The following NBEA variants were observed in gnomAD, a reference collection of about 807,000 sequenced individuals.
NBEA encodes the protein neurobeachin.
In NBEA, 44 loss-of-function variants were observed where a neutral mutation model predicts 343.4. The ratio of observed to expected loss-of-function variants is 0.13; its 90% CI spans 0.10 to 0.16. NBEA has a LOEUF of 0.16. Ranked by LOEUF, NBEA falls within the 10% of genes least tolerant of loss-of-function variation. The probability of loss-of-function intolerance (pLI) is 1.00; values close to 1 mark genes in which losing one functional copy is unlikely to be tolerated. For synonymous variants in NBEA, 1,175 were observed against 1,238.7 expected (o/e 0.95, Z 1.08); for missense variants, 2,555 against 3,631.3 (o/e 0.70, Z 7.62).
intron 24 of NBEA, among the ~76,000 whole-genome samples, chr13:35,167,897 C>G (rs1466770446): frequency 3.3e-5 from 5 of 151,810 alleles, no homozygotes; most frequent in African/African-American, 1.2e-4. Context: ...CCATCCAGAA[C>G]ACTGAATATT....
At chr13:35,154,578 C>T (rs1452417718) in intron 18 of NBEA, among the ~76,000 whole-genome samples, 1 of 152,088 alleles carries the variant, frequency 6.6e-6, no homozygotes, top group Non-Finnish European at 1.5e-5. Context: ...GTTAATTATT[C>T]TTTAATTTAA....
chr13:35,479,049 T>C (rs1440140516), intron 41 of NBEA, among the ~76,000 whole-genome samples: 1 of 152,244 alleles, frequency 6.6e-6, no homozygotes, highest in Non-Finnish European at 1.5e-5. Context: ...TGCAAACTAA[T>C]TGGTGCAACC....
At chr13:35,214,400 C>A (rs9600335) in intron 33 of NBEA, among the ~76,000 whole-genome samples, 1,959 of 151,904 alleles carry the variant, frequency 0.013, 36 homozygotes, top group African/African-American at 0.045. Flanking sequence ...TTCTTGTCAG[C>A]ACTTGGTATT....
intron 41 of NBEA, among the ~76,000 whole-genome samples, chr13:35,521,500 G>T (rs1422351563): frequency 6.6e-6 from 1 of 152,208 alleles, no homozygotes; most frequent in East Asian, 1.9e-4. Flanking sequence ...CCTGAGGAGA[G>T]ACTGGAACTG....
intron 38 of NBEA, among the ~76,000 whole-genome samples, chr13:35,415,697 G>A (rs1319942111): frequency 6.6e-6 from 1 of 152,068 alleles, no homozygotes; most frequent in Admixed American, 6.6e-5. Context: ...TTTTGGCTTA[G>A]GATTGACTTG....
At chr13:35,670,825 AG>A in intron 58 of NBEA, 75 bp from the exon 59 acceptor site, 1 of 979,906 alleles carries the variant, frequency 1.0e-6, no homozygotes, top group South Asian at 1.4e-5. Flanking sequence ...CCAAACTTTG[AG>A]ATACTGTCTA....
chr13:35,670,100 A>G (rs2085539478), intron 58 of NBEA, among the ~76,000 whole-genome samples: 1 of 152,230 alleles, frequency 6.6e-6, no homozygotes, highest in Non-Finnish European at 1.5e-5. Flanking sequence ...ACTGATAAAC[A>G]TATATTGGGG....
At chr13:35,649,080 A>G (rs888101515) in intron 51 of NBEA, among the ~76,000 whole-genome samples, 7 of 152,214 alleles carry the variant, frequency 4.6e-5, no homozygotes, top group African/African-American at 7.2e-5. Flanking sequence ...CTCCCAGCCT[A>G]GAAGGGAGAA....
intron 38 of NBEA, among the ~76,000 whole-genome samples, chr13:35,401,033 G>C (rs1329450887): frequency 6.6e-6 from 1 of 151,596 alleles, no homozygotes; most frequent in Non-Finnish European, 1.5e-5. Context: ...CTTCACATGT[G>C]CCCTCAAAGC....
intron 24 of NBEA, among the ~76,000 whole-genome samples, chr13:35,167,880 T>C (rs570561479): frequency 7.9e-5 from 12 of 151,954 alleles, no homozygotes; most frequent in South Asian, 4.1e-4. Context: ...TTGACCACTT[T>C]AGTCAGCCAT....
intron 1 of NBEA, among the ~76,000 whole-genome samples, chr13:34,973,162 C>G (rs1777424913): frequency 6.6e-6 from 1 of 152,112 alleles, no homozygotes; most frequent in South Asian, 2.1e-4. Flanking sequence ...GGCAGCCTAC[C>G]CCTTCCTCTG....
chr13:34,980,134 A>C (rs2060308998), intron 1 of NBEA, among the ~76,000 whole-genome samples: 1 of 152,036 alleles, frequency 6.6e-6, no homozygotes, highest in African/African-American at 2.4e-5. Context: ...CAGGTAGTTT[A>C]AGTTTTCCAA....
chr13:35,114,055 C>G (rs183937281), intron 13 of NBEA, among the ~76,000 whole-genome samples: 1 of 152,124 alleles, frequency 6.6e-6, no homozygotes, highest in Non-Finnish European at 1.5e-5. Flanking sequence ...CTGAAATTAG[C>G]CATTTTTCCA....
chr13:35,067,246 A>G (rs538202856), intron 8 of NBEA, among the ~76,000 whole-genome samples: 3 of 152,090 alleles, frequency 2.0e-5, no homozygotes, highest in East Asian at 1.9e-4. Flanking sequence ...GAATCTCTTC[A>G]TTTGTTTCTG....
intron 36 of NBEA, among the ~76,000 whole-genome samples, chr13:35,348,718 ATAAAG>A (rs904785672): frequency 1.3e-5 from 2 of 152,110 alleles, no homozygotes; most frequent in Non-Finnish European, 2.9e-5. Context: ...AAAAATAAAA[ATAAAG>A]TAAGAATCTA....
At chr13:35,640,017 A>C (rs960572404) in intron 49 of NBEA, among the ~76,000 whole-genome samples, 1 of 152,028 alleles carries the variant, frequency 6.6e-6, no homozygotes, top group Admixed American at 6.5e-5. Context: ...AAATGGGTTA[A>C]ATCTACCTGC....
chr13:35,290,135 G>A (rs924858175), intron 34 of NBEA, among the ~76,000 whole-genome samples: 4 of 151,670 alleles, frequency 2.6e-5, no homozygotes, highest in East Asian at 1.9e-4. Flanking sequence ...GTCAGTTTTC[G>A]AGTATTTTCA....
At chr13:35,083,107 G>A (rs1431309536) in intron 10 of NBEA, among the ~76,000 whole-genome samples, 1 of 152,144 alleles carries the variant, frequency 6.6e-6, no homozygotes, top group African/African-American at 2.4e-5. Flanking sequence ...AAGATGTAAG[G>A]AAGGGATCCA....
At chr13:34,980,117 T>C (rs536971777) in intron 1 of NBEA, among the ~76,000 whole-genome samples, 1 of 152,288 alleles carries the variant, frequency 6.6e-6, no homozygotes, top group South Asian at 2.1e-4. Flanking sequence ...TATGTAAATT[T>C]TGAAATCAGG....
Sources: gnomAD v4.1 joint callset for allele counts (sites outside exome capture counted in the v4.1 genomes callset) on GRCh38, gnomAD v4.1.1 for gene constraint, MANE v1.5 for transcripts, NCBI Gene and HGNC (gene_info 2026-07-23, HGNC 2026-07-21) for gene names.